Variants in TRMO observed in about 807,000 individuals in gnomAD.
The protein encoded by TRMO is tRNA (adenine(37)-N6)-methyltransferase.
In TRMO, 30 loss-of-function variants were observed where a neutral mutation model predicts 37.2. The observed-to-expected ratio is 0.81, with a 90% confidence interval of 0.60 to 1.09. The LOEUF is 1.09. TRMO is among the 50% of genes least tolerant of loss of function. The probability of loss-of-function intolerance (pLI) is 0.00; values close to 1 mark genes in which losing one functional copy is unlikely to be tolerated. For synonymous variants in TRMO, 239 were observed against 199.4 expected (o/e 1.20, Z -1.67); for missense variants, 552 against 549.5 (o/e 1.00, Z -0.05).
At chr9:97,906,168 A>G (rs547894326) in intron 4 of TRMO, among the ~76,000 whole-genome samples, 58 of 152,248 alleles carry the variant, frequency 3.8e-4, no homozygotes, top group Middle Eastern at 3.4e-3. Flanking sequence ...AAAAAAAAAA[A>G]AAAAAATCAA....
intron 3 of TRMO, chr9:97,912,939 A>G: frequency 7.7e-7 from 1 of 1,304,288 alleles, no homozygotes. Flanking sequence ...AGTTGACATC[A>G]GCACTGCAGC....
At chr9:97,918,970 T>C (rs1472251377) in intron 1 of TRMO, among the ~76,000 whole-genome samples, 1 of 152,254 alleles carries the variant, frequency 6.6e-6, no homozygotes, top group African/African-American at 2.4e-5. Flanking sequence ...TTAAGATCTA[T>C]AAAAACTGGC....
At chr9:97,904,125 CTTCTGAGGGTGATTTCCTT>C (rs1825757829), downstream of TRMO, among the ~76,000 whole-genome samples, 1 of 152,096 alleles carries the variant, frequency 6.6e-6, no homozygotes, top group South Asian at 2.1e-4. Context: ...TTTTCTTGAA[CTTCTGAGGGTGATTTCCTT>C]TTCTGATACA....
chr9:97,922,459 G>C lies in TRMO; in HGVS notation c.35C>G (p.Thr12Arg). The stretch of plus-strand genomic sequence containing the variant: ...CTTAACGCAGCCGCACGGGGTCGCT[G>C]TAGGCCGAGGCCCCGACTCCTCCAA... ...RGLEESGPRP[T>R]ATPCGCVKPA... is the part of the protein sequence containing the mutation. Residue 12 changes from threonine to arginine, a missense_variant, in exon 1 of 5, where the codon ACA (threonine) becomes AGA (arginine). Coordinates refer to ENST00000375119, the MANE Select transcript of TRMO (RefSeq NM_016481.5). 1 of 1,588,126 alleles carries C rather than the reference G, an allele frequency of 6.3e-7. No individual in the cohort carries two copies. The highest frequency in any genetic ancestry group is 8.6e-7 in the Non-Finnish European group (1 of 1,168,416).
chr9:97,905,489 G>A (rs1305731762), intron 4 of TRMO, among the ~76,000 whole-genome samples: 2 of 152,014 alleles, frequency 1.3e-5, no homozygotes, highest in African/African-American at 4.8e-5. Context: ...TCACAGACCC[G>A]CAGTTACCAG....
chr9:97,898,090 T>C, the TRMO span, among the ~76,000 whole-genome samples: 6 of 152,210 alleles, frequency 3.9e-5, no homozygotes, highest in African/African-American at 1.4e-4. Flanking sequence ...TCTTGTGGTG[T>C]AAGCTCATAT....
chr9:97,922,276 A>T, intron 1 of TRMO, 142 bp downstream of exon 1: 2 of 639,154 alleles, frequency 3.1e-6, no homozygotes, highest in Non-Finnish European at 5.5e-6. Context: ...TCTCCGCAGC[A>T]CGTGACCCGT....
At chr9:97,905,649 T>C (rs1040209763) in intron 4 of TRMO, among the ~76,000 whole-genome samples, 17 of 152,228 alleles carry the variant, frequency 1.1e-4, no homozygotes, top group Non-Finnish European at 1.9e-4. Context: ...TAGTTTTTCA[T>C]AACTACAACA....
Position 97,909,913 on chromosome 9 carries a change from C to CA in TRMO, c.1066+46dup, listed in dbSNP as rs768439647. The CA allele has an allele frequency of 5.6e-6, 8 of 1,424,358 alleles. No homozygotes were observed. The East Asian group carries it at 1.6e-4, about 29-fold the overall frequency. The allele number at this position is 1,424,358 out of a possible 1,614,324, so 88.2% of individuals were successfully genotyped here. ...ACAAATACCAAACTTGGCTAAATCT[C>CA]AAAGTAAAAGTTCATCTCTCATTCA... is the stretch of plus-strand genomic sequence containing the variant. On this transcript the variant is annotated intron_variant, in intron 4 of 4. Transcript: ENST00000375119.
chr9:97,902,610 T>C (rs1278843288), downstream of TRMO, among the ~76,000 whole-genome samples: 3 of 152,164 alleles, frequency 2.0e-5, no homozygotes, highest in African/African-American at 7.2e-5. Context: ...CCTAAAATCC[T>C]TCTTAGCTCT....
chr9:97,908,604 T>C (rs1825970317), intron 4 of TRMO, among the ~76,000 whole-genome samples: 1 of 151,908 alleles, frequency 6.6e-6, no homozygotes, highest in African/African-American at 2.4e-5. Flanking sequence ...TAAAATAAAA[T>C]AGTAACAACA....
chr9:97,903,338 C>T (rs988880943), downstream of TRMO, among the ~76,000 whole-genome samples: 1 of 152,144 alleles, frequency 6.6e-6, no homozygotes, highest in African/African-American at 2.4e-5. Flanking sequence ...ACATCAAAGG[C>T]AATTACAAAT....
At chr9:97,916,055 AGATGAGGGTGGTCTG>A in intron 2 of TRMO, 94 bp downstream of exon 2, 1 of 716,860 alleles carries the variant, frequency 1.4e-6, no homozygotes, top group Non-Finnish European at 2.2e-6. Flanking sequence ...AACAAAACAA[AGATGAGGGTGGTCTG>A]GATGGCAGAC....
intron 1 of TRMO, among the ~76,000 whole-genome samples, chr9:97,920,086 T>G (rs1348213242): frequency 3.3e-5 from 5 of 152,234 alleles, no homozygotes; most frequent in Admixed American, 6.5e-5. Context: ...AATTCTGGTC[T>G]TCTTCTTCTT....
chr9:97,898,994 C>T, the TRMO span, among the ~76,000 whole-genome samples: 1,157 of 151,678 alleles, frequency 7.6e-3, 16 homozygotes, highest in African/African-American at 0.027. Context: ...CGCCTGTCAC[C>T]ACACCCGGCT....
Position 97,913,500 on chromosome 9 carries a change from G to A in TRMO, c.310C>T (p.Pro104Ser). 1.9e-6 allele frequency: 3 copies of A among 1,614,046 alleles called. No individual in the cohort carries two copies. The highest frequency in any genetic ancestry group is 2.5e-6 in the Non-Finnish European group (3 of 1,179,936). The change falls in exon 3 of 5, where the codon CCT becomes TCT. Residue 104 changes from proline to serine, a missense_variant. Physicochemically the swap from Pro to Ser is moderately conservative, Grantham distance 74 (BLOSUM62 -1). Coordinates refer to ENST00000375119, the MANE Select transcript of TRMO (RefSeq NM_016481.5). ...CCAGTCTTTGCACCATTCAGCCTAG[G>A]AGGCTGCACTTTTGCCTTACAGCTC... ...HLSCKAKVQP[P>S]RLNGAKTGVF...
chr9:97,901,861 G>A (rs1437818868), downstream of TRMO, among the ~76,000 whole-genome samples: 1 of 152,192 alleles, frequency 6.6e-6, no homozygotes, highest in African/African-American at 2.4e-5. Flanking sequence ...CTCTCTGAGG[G>A]ATGGAAGTTC....
In TRMO at chr9:97,910,540, C is replaced by T. The variant is rs772887956; in HGVS notation, c.486G>A (p.Glu162=). 6.2e-7 allele frequency: 1 copy of T among 1,614,206 alleles called. No homozygotes were observed. The highest frequency in any genetic ancestry group is 1.1e-5 in the South Asian group (1 of 91,090). The change falls in exon 4 of 5, where the codon GAG becomes GAA. Residue 162 remains glutamate (E), a synonymous_variant. Transcript: ENST00000375119. ...PVLDIKPYIA[E]YDSPQNVMEP... is the part of the protein sequence containing the mutation. ...CCATCACATTTTGCGGTGAGTCATA[C>T]TCAGCTATGTAGGGCTTGATGTCTA... is the stretch of plus-strand genomic sequence containing the variant.
Position 97,912,836 on chromosome 9 carries a change from G to A in TRMO, c.409+565C>T, listed in dbSNP as rs140152141. The A allele has an allele frequency of 7.1e-5, 66 of 932,998 alleles. No homozygotes were observed. In the African/African-American group the frequency reaches 8.1e-4, roughly 12 times the overall value. 57.8% of individuals were successfully genotyped at this position (932,998 alleles called of 1,614,324 possible). ...ATAAATGCGTAACTAGGTTATATAC[G>A]AACACACAGTTAAAACTAGTTTAAA... On this transcript the variant is annotated intron_variant, in intron 3 of 4. Transcript: ENST00000375119.
Sources: gnomAD v4.1 joint callset for allele counts (sites outside exome capture counted in the v4.1 genomes callset) on GRCh38, gnomAD v4.1.1 for gene constraint, MANE v1.5 for transcripts, NCBI Gene and HGNC (gene_info 2026-07-23, HGNC 2026-07-21) for gene names.